TSHZ2: variants seen among roughly 807,000 people sequenced by gnomAD.
TSHZ2 encodes teashirt homolog 2.
In TSHZ2, 21 loss-of-function variants were observed where a neutral mutation model predicts 74.4. That is an observed-to-expected ratio of 0.28 (90% confidence interval 0.20 to 0.41). The LOEUF (loss-of-function observed/expected upper bound fraction) is 0.41, where lower values mean the gene tolerates loss of function less well. Among genes scored for constraint, TSHZ2 ranks in the 10% least tolerant of loss-of-function variants. TSHZ2 has a pLI of 1.00. For synonymous variants in TSHZ2, 540 were observed against 515.3 expected, an observed-to-expected ratio of 1.05 and a Z score of -0.65; for missense variants, 1,244 against 1,293.5, an observed-to-expected ratio of 0.96 and a Z score of 0.59.
At chr20:53,150,530 G>C (rs1410886730) in intron 1 of TSHZ2, among the ~76,000 whole-genome samples, 1 of 152,078 alleles carries the variant, frequency 6.6e-6, no homozygotes, top group East Asian at 1.9e-4. Flanking sequence ...TTAGTCTCTT[G>C]TCTTGCAAAG....
intron 2 of TSHZ2, among the ~76,000 whole-genome samples, chr20:53,337,739 T>C (rs1351654391): frequency 6.6e-6 from 1 of 152,242 alleles, no homozygotes; most frequent in Non-Finnish European, 1.5e-5. Context: ...TTCCCTTCCA[T>C]GCGTGGCAGC....
At chr20:53,483,847 T>A (rs1057296971) in intron 2 of TSHZ2, among the ~76,000 whole-genome samples, 1 of 152,224 alleles carries the variant, frequency 6.6e-6, no homozygotes, top group Non-Finnish European at 1.5e-5. Context: ...AGAAACTCAG[T>A]TAGAAAAGTC....
In TSHZ2 at chr20:53,151,325, G is replaced by A. The variant is rs1337276660; in HGVS notation, c.41-102174G>A. 2.6e-5 allele frequency among the ~76,000 whole-genome samples: 4 copies of A among 152,214 alleles called. No individual in the cohort carries two copies. In the East Asian group the frequency reaches 5.8e-4, roughly 22 times the overall value. On this transcript the variant is annotated intron_variant, in intron 1 of 2. Coordinates refer to ENST00000371497, the MANE Select transcript of TSHZ2 (RefSeq NM_173485.6). ...CATAATATCAAGCCTCGGCTAATGG[G>A]TGTAGCTAAAGCTTAGAGAAAACTT...
chr20:53,051,274 G>A (rs1447211172), intron 1 of TSHZ2, among the ~76,000 whole-genome samples: 2 of 152,200 alleles, frequency 1.3e-5, no homozygotes, highest in Admixed American at 1.3e-4. Context: ...AGGAAGTGGA[G>A]GTTGCAGTGA....
intron 2 of TSHZ2, among the ~76,000 whole-genome samples, chr20:53,340,265 C>CTCCGCCTCCCAAGTTCACGTCAT (rs1174385585): frequency 1.7e-4 from 23 of 136,922 alleles, no homozygotes; most frequent in African/African-American, 6.5e-4. Context: ...TCACTGCAAA[C>CTCCGCCTCCCAAGTTCACGTCAT]TCCGCCTCCC....
At position 53,024,162 on chromosome 20, in the gene TSHZ2, T is replaced by C. The variant is rs540448096; in HGVS notation, c.40+50829T>C. 3.9e-5 allele frequency among the ~76,000 whole-genome samples: 6 copies of C among 152,204 alleles called. No individual in the cohort carries two copies. In the East Asian group the frequency reaches 1.2e-3, roughly 29 times the overall value. ...CTCATAACCAGAGTGTATGGCTTGA[T>C]ATTTTATTGAAATAAATATGTACAT... On this transcript the variant is annotated intron_variant, in intron 1 of 2. Transcript: ENST00000371497.
intron 2 of TSHZ2, among the ~76,000 whole-genome samples, chr20:53,279,942 G>A (rs1320750174): frequency 6.6e-6 from 1 of 152,192 alleles, no homozygotes; most frequent in Non-Finnish European, 1.5e-5. Flanking sequence ...AGTAGGAGCT[G>A]GGCTCGTTGT....
Position 53,204,389 on chromosome 20 carries a change from TACTATATCATCATATAACATG to T in TSHZ2, c.41-49108_41-49088del, listed in dbSNP as rs1568811227. On this transcript the variant is annotated intron_variant, in intron 1 of 2. Coordinates refer to ENST00000371497, the MANE Select transcript of TSHZ2 (RefSeq NM_173485.6). ...ATCATCATATAACATGATGATATGA[TACTATATCATCATATAACATG>T]ATGATATGATACTATTATATCATAA... Among the ~76,000 whole-genome samples, 7 of 149,540 alleles carry T rather than the reference TACTATATCATCATATAACATG, an allele frequency of 4.7e-5. No homozygotes were observed. The East Asian group carries it at 7.9e-4, about 17-fold the overall frequency.
At chr20:53,436,091 T>C (rs1458869067) in intron 2 of TSHZ2, among the ~76,000 whole-genome samples, 1 of 152,080 alleles carries the variant, frequency 6.6e-6, no homozygotes, top group Admixed American at 6.6e-5. Context: ...TAGTGCAGTA[T>C]CTGGAATAGA....
chr20:53,422,537 C>T (rs376187841), intron 2 of TSHZ2, among the ~76,000 whole-genome samples: 2 of 151,968 alleles, frequency 1.3e-5, no homozygotes, highest in African/African-American at 4.8e-5. Flanking sequence ...TCAGAACCAC[C>T]CCCCTCAGAT....
intron 2 of TSHZ2, among the ~76,000 whole-genome samples, chr20:53,276,244 AT>A (rs5841938): frequency 7.2e-4 from 105 of 144,988 alleles, no homozygotes; most frequent in Middle Eastern, 3.6e-3. Flanking sequence ...TGGCTCTTTC[AT>A]TTTTTTTTTT....
intron 2 of TSHZ2, among the ~76,000 whole-genome samples, chr20:53,392,573 C>T (rs1200079149): frequency 2.0e-5 from 3 of 152,140 alleles, no homozygotes; most frequent in African/African-American, 4.8e-5. Context: ...AAGTATAAAT[C>T]CACATTGCAT....
intron 2 of TSHZ2, chr20:53,400,508 T>G (rs1982618951): frequency 6.6e-6 from 1 of 152,264 alleles, no homozygotes; most frequent in Non-Finnish European, 1.5e-5. Flanking sequence ...GAATGTGCTT[T>G]TTAACTTCAT....
At chr20:53,263,806 T>A (rs1990653207) in intron 2 of TSHZ2, among the ~76,000 whole-genome samples, 1 of 152,170 alleles carries the variant, frequency 6.6e-6, no homozygotes, top group African/African-American at 2.4e-5. Flanking sequence ...CTTTTCCGCA[T>A]CTCAGAGGAT....
At chr20:53,240,337 G>C (rs1990035531) in intron 1 of TSHZ2, among the ~76,000 whole-genome samples, 1 of 152,052 alleles carries the variant, frequency 6.6e-6, no homozygotes, top group African/African-American at 2.4e-5. Flanking sequence ...ACCAACCTCA[G>C]CCACACTTAT....
chr20:53,306,183 G>A (rs1200606369), intron 2 of TSHZ2, among the ~76,000 whole-genome samples: 1 of 152,068 alleles, frequency 6.6e-6, no homozygotes, highest in African/African-American at 2.4e-5. Flanking sequence ...CCGTGAGCGT[G>A]GCAACCGTGT....
At chr20:53,397,009 A>C (rs1299687549) in intron 2 of TSHZ2, among the ~76,000 whole-genome samples, 1 of 152,212 alleles carries the variant, frequency 6.6e-6, no homozygotes, top group African/African-American at 2.4e-5. Context: ...TTAGACCTAA[A>C]ACCATAAAAA....
intron 2 of TSHZ2, among the ~76,000 whole-genome samples, chr20:53,327,591 T>A (rs1979548238): frequency 6.6e-6 from 1 of 152,232 alleles, no homozygotes; most frequent in Non-Finnish European, 1.5e-5. Flanking sequence ...AGATGCGATA[T>A]TAGTCCTGTG....
chr20:53,432,189 A>G (rs1406686289), intron 2 of TSHZ2, among the ~76,000 whole-genome samples: 1 of 152,098 alleles, frequency 6.6e-6, no homozygotes, highest in South Asian at 2.1e-4. Flanking sequence ...ACTCACCCAT[A>G]ACTTAGCTCT....
Sources: allele counts gnomAD v4.1 joint callset (sites outside exome capture counted in the v4.1 genomes callset), GRCh38; gene constraint gnomAD v4.1.1; transcripts MANE v1.5; gene names NCBI Gene and HGNC (gene_info 2026-07-23, HGNC 2026-07-21).